HOXA7: variants seen among roughly 807,000 people sequenced by gnomAD.
The protein encoded by HOXA7 is homeobox A7, also known as homeobox protein Hox-A7.
Under a neutral mutation model 16.8 loss-of-function variants are expected in HOXA7, and 16 were observed. The ratio of observed to expected loss-of-function variants is 0.95; its 90% CI spans 0.64 to 1.44. The LOEUF (loss-of-function observed/expected upper bound fraction) is 1.44. HOXA7 is among the 40% of genes most tolerant of loss of function. The pLI, the probability that HOXA7 is intolerant of heterozygous loss-of-function variation, is 0.00. For missense variants in HOXA7, 379 were observed against 328.6 expected (o/e 1.15, Z -1.19); for synonymous variants, 169 against 144.3 (o/e 1.17, Z -1.23).
At chr7:27,156,145 C>A (rs757142588) in intron 1 of HOXA7, 22 bp downstream of exon 1, 5 of 1,473,826 alleles carry the variant, frequency 3.4e-6, no homozygotes, top group South Asian at 1.4e-5. Context: ...GCCAGCCTGG[C>A]CCGCCTAGCG....
intron 1 of HOXA7, 180 bp from the exon 2 acceptor site, chr7:27,155,402 C>T (rs1346388725): frequency 1.6e-6 from 1 of 622,238 alleles, no homozygotes. Context: ...AAGACCCCAA[C>T]TGCAGTGCCA....
chr7:27,153,919 AAC>A lies in HOXA7; in HGVS notation c.*988_*989del, dbSNP rs1783047300. On this transcript the variant is annotated 3_prime_UTR_variant, in exon 2 of 2. Coordinates refer to ENST00000242159, the MANE Select transcript of HOXA7 (RefSeq NM_006896.4). ...TACCATGCTACAAAGTCACCCCATTAACACATCCTTTCCAAGTCAAGACACTG... is the reference window on the plus strand; with the variant it reads ...TACCATGCTACAAAGTCACCCCATTAACATCCTTTCCAAGTCAAGACACTG... 6.5e-6 allele frequency: 1 copy of A among 152,684 alleles called. No homozygotes were observed. Among genetic ancestry groups the A allele is most frequent in the Non-Finnish European group, 1.5e-5 (1 of 68,054 alleles). 9.5% of individuals were successfully genotyped at this position (152,684 alleles called of 1,614,324 possible).
rs1347917090 is a variant in HOXA7 at position 27,154,786 on chromosome 7, TTTG to T, written c.*120_*122del. On this transcript the variant is annotated 3_prime_UTR_variant, in exon 2 of 2. Coordinates refer to ENST00000242159, the MANE Select transcript of HOXA7 (RefSeq NM_006896.4). ...TGCAGGTTGGGGACTGGGTTGCTTTTTTGTTTTTGTTTTTGTTTTTTACATTTT... is the reference window on the plus strand; with the variant it reads ...TGCAGGTTGGGGACTGGGTTGCTTTTTTTTTGTTTTTGTTTTTTACATTTT... 7.2e-7 allele frequency: 1 copy of T among 1,379,806 alleles called. No homozygotes were observed. Among genetic ancestry groups the T allele is most frequent in the Non-Finnish European group, 9.6e-7 (1 of 1,046,506 alleles). The allele number at this position is 1,379,806 out of a possible 1,614,324, so 85.5% of individuals were successfully genotyped here. A position where few individuals can be genotyped will look rare whatever the true frequency, so the allele number is the denominator to read the frequency against.
At position 27,156,414 on chromosome 7, in the gene HOXA7, G is replaced by C. The variant is rs755487423; in HGVS notation, c.132C>G (p.Ala44=). The C allele has an allele frequency of 1.2e-6, 2 of 1,613,586 alleles. No individual in the cohort carries two copies. Among genetic ancestry groups the C allele is most frequent in the Non-Finnish European group, 1.7e-6 (2 of 1,179,706 alleles). The change falls in exon 1 of 2, where the codon GCC becomes GCG. Residue 44 remains alanine, a synonymous_variant. Transcript: ENST00000242159. ...CCGGAACGGTCGAGGCGAAGGCGCC[G>C]GCGCCCGCCCCGTAGCCGCTTCTCT... ...NSQRSGYGAG[A]GAFASTVPGL... is the part of the protein sequence containing the mutation.
At chr7:27,155,935 C>G (rs568189678) in intron 1 of HOXA7, 1 of 406,292 alleles carries the variant, frequency 2.5e-6, no homozygotes, top group East Asian at 3.6e-5. Flanking sequence ...TTAATTGGGC[C>G]ATAAAAAGTT....
chr7:27,156,647 A>C lies in HOXA7; in HGVS notation c.-102T>G. 1.5e-6 allele frequency: 2 copies of C among 1,323,654 alleles called. No homozygotes were observed. The highest frequency in any genetic ancestry group is 1.5e-5 in the South Asian group (1 of 68,864). 82.0% of individuals were successfully genotyped at this position (1,323,654 alleles called of 1,614,324 possible). A position where few individuals can be genotyped will look rare whatever the true frequency, so the allele number is the denominator to read the frequency against. Reference sequence around the variant, plus strand: ...CACCCCCAGATTTACACCAAACCCCATTTTCTTTTGGACGGAGCTCGCCGC... The same window carrying C: ...CACCCCCAGATTTACACCAAACCCCCTTTTCTTTTGGACGGAGCTCGCCGC... On this transcript the variant is annotated 5_prime_UTR_variant, in exon 1 of 2. It removes an upstream start codon present in the reference 5' UTR. Transcript: ENST00000242159.
chr7:27,156,471 C>T lies in HOXA7; in HGVS notation c.75G>A (p.Glu25=). The T allele has an allele frequency of 6.2e-7, 1 of 1,612,436 alleles. No individual in the cohort carries two copies. The change falls in exon 1 of 2, where the codon GAG becomes GAA. Residue 25 remains glutamate, a synonymous_variant. Transcript: ENST00000242159. The stretch of plus-strand genomic sequence containing the variant: ...TGGGAGCAAAGGAGCAAGAAGTCGG[C>T]TCGGCATTTTGGAACAGAGAAGCCC... ...TAGASLFQNA[E]PTSCSFAPNS...
At position 27,156,109 on chromosome 7, in the gene HOXA7, G is replaced by GCGCTCCC. The variant is rs1554343969; in HGVS notation, c.379+51_379+57dup. 2.8e-6 allele frequency: 4 copies of GCGCTCCC among 1,414,554 alleles called. No individual in the cohort carries two copies. In the African/African-American group the frequency reaches 6.0e-5, roughly 21 times the overall value. The allele number at this position is 1,414,554 out of a possible 1,614,324, so 87.6% of individuals were successfully genotyped here. ...CCCGCGCTCCGCGCTCCCCAGCGCT[G>GCGCTCCC]CGCTCCCCGCTCCCGGTCCCGCTCC... On this transcript the variant is annotated intron_variant, in intron 1 of 1. Transcript: ENST00000242159.
intron 1 of HOXA7, chr7:27,155,863 C>A (rs1783096759): frequency 3.2e-6 from 1 of 310,884 alleles, no homozygotes; most frequent in Non-Finnish European, 5.8e-6. Flanking sequence ...GAATAGCGAA[C>A]AAACTTAATG....
Position 27,154,717 on chromosome 7 carries a change from C to T in HOXA7, c.*192G>A. On this transcript the variant is annotated 3_prime_UTR_variant, in exon 2 of 2. Transcript: ENST00000242159. ...GACCCAGTCTCTGCGGCCGCTCAGTCCACAAAAGTTGGGAGCTGGAGTAGG... is the reference window on the plus strand; with the variant it reads ...GACCCAGTCTCTGCGGCCGCTCAGTTCACAAAAGTTGGGAGCTGGAGTAGG... The T allele has an allele frequency of 1.2e-6, 1 of 802,028 alleles. No homozygotes were observed. The highest frequency in any genetic ancestry group is 2.7e-5 in the East Asian group (1 of 36,404). The allele number at this position is 802,028 out of a possible 1,614,324, so 49.7% of individuals were successfully genotyped here.
Position 27,156,222 on chromosome 7 carries a change from C to A in HOXA7, c.324G>T (p.Ala108=), listed in dbSNP as rs767410615. Reference sequence around the variant, plus strand: ...AATTGGCCTCAGCCGCGCCATGCAGCGCGCCCTCGTCCGTCTTGTCGCAGG... The same window carrying A: ...AATTGGCCTCAGCCGCGCCATGCAGAGCGCCCTCGTCCGTCTTGTCGCAGG... The part of the protein sequence containing the change: ...KGACDKTDEG[A]LHGAAEANFR... Residue 108 remains alanine, a synonymous_variant, in exon 1 of 2, where the codon GCG becomes GCT. Transcript: ENST00000242159. 3 of 1,601,228 alleles carry A rather than the reference C, an allele frequency of 1.9e-6. No homozygotes were observed. Among genetic ancestry groups the A allele is most frequent in the Non-Finnish European group, 1.7e-6 (2 of 1,173,860 alleles).
At position 27,155,071 on chromosome 7, in the gene HOXA7, C is replaced by T. The variant is rs768096835; in HGVS notation, c.531G>A (p.Trp177Ter). 1.2e-6 allele frequency: 2 copies of T among 1,614,112 alleles called. No homozygotes were observed. The highest frequency in any genetic ancestry group is 2.7e-5 in the African/African-American group (2 of 74,936). Residue 177 changes from tryptophan (W) to a stop codon, truncating the protein, a stop_gained, in exon 2 of 2, where the codon TGG (tryptophan) becomes TGA (stop). Coordinates refer to ENST00000242159, the MANE Select transcript of HOXA7 (RefSeq NM_006896.4). LOFTEE classifies it high-confidence loss of function. Reference sequence around the variant, plus strand: ...TCCACTTCATGCGGCGGTTCTGGAACCAGATCTTAATCTGGCGCTCGGTGA... The same window carrying T: ...TCCACTTCATGCGGCGGTTCTGGAATCAGATCTTAATCTGGCGCTCGGTGA... The part of the protein sequence containing the change: ...LCLTERQIKI[W>*]FQNRRMKWKK...
chr7:27,156,324 G>C lies in HOXA7; in HGVS notation c.222C>G (p.Ala74=). The C allele has an allele frequency of 6.2e-7, 1 of 1,614,016 alleles. No individual in the cohort carries two copies. The highest frequency in any genetic ancestry group is 8.5e-7 in the Non-Finnish European group (1 of 1,179,996). Residue 74 remains alanine, a synonymous_variant, in exon 1 of 2, where the codon GCC becomes GCG. Transcript: ENST00000242159. ...CGCAGGGCAGGTTGCCGTAGGCGTCGGCGCCCAGGCCGTAGCCGGACGCAA... is the reference window on the plus strand; with the variant it reads ...CGCAGGGCAGGTTGCCGTAGGCGTCCGCGCCCAGGCCGTAGCCGGACGCAA... ...SPFASGYGLG[A]DAYGNLPCAS... is the part of the protein sequence containing the mutation.
chr7:27,156,077 C>CCCGCGCCCCGCGCT, intron 1 of HOXA7, 90 bp downstream of exon 1: 1 of 1,361,460 alleles, frequency 7.3e-7, no homozygotes, highest in Non-Finnish European at 9.5e-7. Context: ...CTCTTCCGGC[C>CCCGCGCCCCGCGCT]CCGCGCCCCG....
At position 27,156,351 on chromosome 7, in the gene HOXA7, G is replaced by A; in HGVS notation, c.195C>T (p.Pro65=). ...YNVNSPLYQS[P]FASGYGLGAD... is the part of the protein sequence containing the mutation. ...CGCCCAGGCCGTAGCCGGACGCAAA[G>A]GGGCTCTGATAAAGGGGGCTGTTGA... is the stretch of plus-strand genomic sequence containing the variant. The change falls in exon 1 of 2, where the codon CCC becomes CCT. Residue 65 remains proline (P), a synonymous_variant. Transcript: ENST00000242159. 1.9e-6 allele frequency: 3 copies of A among 1,614,146 alleles called. No individual in the cohort carries two copies. Among genetic ancestry groups the A allele is most frequent in the Non-Finnish European group, 1.7e-6 (2 of 1,180,024 alleles).
rs1173388481 is a variant in HOXA7, at chr7:27,154,596, GTGCTAGGTAGTAT to G, written c.*300_*312del. 14 of 385,524 alleles carry G rather than the reference GTGCTAGGTAGTAT, an allele frequency of 3.6e-5. No homozygotes were observed. Among genetic ancestry groups the G allele is most frequent in the Middle Eastern group, 1.4e-3 (2 of 1,430 alleles). 23.9% of individuals were successfully genotyped at this position (385,524 alleles called of 1,614,324 possible). A position where few individuals can be genotyped will look rare whatever the true frequency, so the allele number is the denominator to read the frequency against. On this transcript the variant is annotated 3_prime_UTR_variant, in exon 2 of 2. Coordinates refer to ENST00000242159, the MANE Select transcript of HOXA7 (RefSeq NM_006896.4). ...TTGGGGGTGCCTCGAGCAGAGGCCT[GTGCTAGGTAGTAT>G]TTTGGACGCGCCAGAGCAGGGCCGG...
At chr7:27,155,307 C>T in intron 1 of HOXA7, 85 bp from the exon 2 acceptor site, 1 of 1,272,198 alleles carries the variant, frequency 7.9e-7, no homozygotes, top group Non-Finnish European at 1.1e-6. Context: ...GAGCCCGCAC[C>T]TTCCTCCTGG....
chr7:27,156,495 C>A lies in HOXA7; in HGVS notation c.51G>T (p.Gly17=). The change falls in exon 1 of 2, where the codon GGG becomes GGT. Residue 17 remains glycine, a synonymous_variant. Coordinates refer to ENST00000242159, the MANE Select transcript of HOXA7 (RefSeq NM_006896.4). ...VNALFSKYTA[G]ASLFQNAEPT... ...GCTCGGCATTTTGGAACAGAGAAGC[C>A]CCCGCCGTATATTTGCTAAAAAGCG... The A allele has an allele frequency of 3.1e-6, 5 of 1,593,728 alleles. No homozygotes were observed. The highest frequency in any genetic ancestry group is 4.3e-6 in the Non-Finnish European group (5 of 1,167,236).
intron 1 of HOXA7, 130 bp from the exon 2 acceptor site, chr7:27,155,352 G>T: frequency 1.2e-6 from 1 of 840,600 alleles, no homozygotes; most frequent in Non-Finnish European, 1.9e-6. Context: ...TCTGCCCCAG[G>T]CCCCGAACTG....
Sources: allele counts gnomAD v4.1 joint callset, GRCh38; gene constraint gnomAD v4.1.1; transcripts MANE v1.5; gene names NCBI Gene and HGNC (gene_info 2026-07-23, HGNC 2026-07-21).